The following TRPM4 variants were observed in gnomAD, a reference collection of about 807,000 sequenced individuals.
The protein encoded by TRPM4 is calcium-activated non-selective cation channel 1.
A neutral mutation model predicts 135.6 loss-of-function variants in TRPM4; 124 were observed. That is an observed-to-expected ratio of 0.91 (90% CI 0.79 to 1.06). The LOEUF (loss-of-function observed/expected upper bound fraction) is 1.06. TRPM4 is among the 50% of genes least tolerant of loss of function. The pLI, the probability that TRPM4 is intolerant of heterozygous loss-of-function variation, is 0.00. For synonymous variants in TRPM4, 745 were observed against 705.6 expected, an observed-to-expected ratio of 1.06 and a Z score of -0.88; for missense variants, 1,658 against 1,671.4, an observed-to-expected ratio of 0.99 and a Z score of 0.14.
chr19:49,202,854 A>C (rs956966390), intron 20 of TRPM4, among the ~76,000 whole-genome samples: 5 of 144,374 alleles, frequency 3.5e-5, no homozygotes, highest in Non-Finnish European at 6.0e-5. Context: ...TTGTGGTAAA[A>C]TTATATAAAA....
At chr19:49,201,814 A>T in intron 19 of TRPM4, 150 bp from the exon 20 acceptor site, 2 of 835,264 alleles carry the variant, frequency 2.4e-6, no homozygotes, top group Non-Finnish European at 4.1e-6. Flanking sequence ...TGGTCAGGCT[A>T]GTCTCAAACT....
At chr19:49,176,306 C>T (rs551774594) in intron 9 of TRPM4, among the ~76,000 whole-genome samples, 1 of 152,238 alleles carries the variant, frequency 6.6e-6, no homozygotes, top group East Asian at 1.9e-4. Flanking sequence ...TAGCTCACTG[C>T]AGCCTTGAGA....
rs774680517 is a variant in TRPM4, at chr19:49,200,420, C to T, written c.2766C>T (p.Ile922=). ...VNKQLGPKIV[I]VSKMMKDVFF... ...AACAGCTGGGGCCCAAGATCGTCAT[C>T]GTGAGCAAGATGGTGAGGCAGGGGC... The change falls in exon 18 of 25, where the codon ATC becomes ATT. Residue 922 remains isoleucine (I), a synonymous_variant. Transcript: ENST00000252826. 4 of 1,423,258 alleles carry T rather than the reference C, an allele frequency of 2.8e-6. No individual in the cohort carries two copies. Among genetic ancestry groups the T allele is most frequent in the South Asian group, 1.1e-5 (1 of 88,456 alleles). 88.2% of individuals were successfully genotyped at this position (1,423,258 alleles called of 1,614,324 possible).
rs758731104 is a variant in TRPM4, at chr19:49,211,182, G to A, written c.3553G>A (p.Val1185Ile). 15 of 1,604,582 alleles carry A rather than the reference G, an allele frequency of 9.3e-6. No individual in the cohort carries two copies. The highest frequency in any genetic ancestry group is 1.3e-5 in the African/African-American group (1 of 74,782). Residue 1185 changes from valine to isoleucine, a missense_variant, in exon 24 of 25, where the codon GTC (valine) becomes ATC (isoleucine). Around this residue, in one of 3 missense-constraint regions of TRPM4, gnomAD observed 1,412 missense variants for 1,408.7 expected, o/e 1.00. Transcript: ENST00000252826. This position sits in a 1 kb window ranked among gnomAD's most constrained non-coding sequence, Gnocchi z 4.8. ...TCCGCAGGTCCAGCAGTGTAGCCGC[G>A]TCCTGGGGTGGGTGGCCGAGGCCCT... ...LEREVQQCSR[V>I]LGWVAEALSR...
rs200681329 is a variant in TRPM4, at chr19:49,190,768, T to C, written c.2205T>C (p.Pro735=). The stretch of plus-strand genomic sequence containing the variant: ...ATAGTGTCATTAATGGGGAAGGGCC[T>C]GTCGGGTGAGTGGAGCCTCCAGCAC... ...DMDSVINGEG[P]VGTADPAEKT... Residue 735 remains proline, a synonymous_variant, in exon 16 of 25, where the codon CCT becomes CCC. Transcript: ENST00000252826. 6 of 1,614,026 alleles carry C rather than the reference T, an allele frequency of 3.7e-6. No individual in the cohort carries two copies. The highest frequency in any genetic ancestry group is 5.1e-6 in the Non-Finnish European group (6 of 1,180,032).
At chr19:49,197,473 C>CTCCCTCCTTCCT (rs146216485) in intron 17 of TRPM4, among the ~76,000 whole-genome samples, 3 of 114,856 alleles carry the variant, frequency 2.6e-5, no homozygotes, top group Non-Finnish European at 5.2e-5. Flanking sequence ...GCCTCCCTCC[C>CTCCCTCCTTCCT]TCCTTCCTTC....
intron 20 of TRPM4, among the ~76,000 whole-genome samples, chr19:49,203,409 G>C (rs1462759461): frequency 6.6e-6 from 1 of 152,036 alleles, no homozygotes; most frequent in Admixed American, 6.6e-5. Flanking sequence ...TCGATCTCCT[G>C]ACCTTGTGAT....
intron 10 of TRPM4, among the ~76,000 whole-genome samples, 180 bp downstream of exon 10, chr19:49,181,641 C>G (rs1340467908): frequency 6.6e-6 from 1 of 150,738 alleles, no homozygotes; most frequent in East Asian, 1.9e-4. Flanking sequence ...ACGCCATTCT[C>G]CTGCCTCAGC....
chr19:49,192,028 A>G (rs998563429), intron 16 of TRPM4, among the ~76,000 whole-genome samples: 1 of 152,102 alleles, frequency 6.6e-6, no homozygotes, highest in Non-Finnish European at 1.5e-5. Context: ...GGGATTTTTC[A>G]CCTATTTTGT....
chr19:49,158,138 GA>G, intron 1 of TRPM4, 53 bp from the exon 2 acceptor site: 2 of 1,553,178 alleles, frequency 1.3e-6, no homozygotes, highest in Non-Finnish European at 1.8e-6. Flanking sequence ...CCATAGGACA[GA>G]ACTGGGTGCC....
chr19:49,199,645 A>G (rs1968840028), intron 17 of TRPM4, among the ~76,000 whole-genome samples: 1 of 151,552 alleles, frequency 6.6e-6, no homozygotes, highest in Non-Finnish European at 1.5e-5. Context: ...AATCCTCGGT[A>G]GTTTTGTTGG....
intron 16 of TRPM4, among the ~76,000 whole-genome samples, chr19:49,191,449 G>A (rs1022246768): frequency 1.3e-5 from 2 of 151,826 alleles, no homozygotes; most frequent in African/African-American, 4.8e-5. Context: ...CAAGTGATCC[G>A]CGCACTTTGG....
chr19:49,182,681 C>T lies in TRPM4; in HGVS notation c.1367C>T (p.Thr456Ile). The change falls in exon 11 of 25, where the codon ACC (threonine) becomes ATC (isoleucine). Residue 456 changes from threonine to isoleucine, a missense_variant. Physicochemically the swap from Thr to Ile is moderately conservative, Grantham distance 89. Coordinates refer to ENST00000252826, the MANE Select transcript of TRPM4 (RefSeq NM_017636.4). Reference sequence around the variant, plus strand: ...GGCCTCAGCCTGGGCCACTTCCTGACCCCGATGCGCCTGGCCCAACTCTAC... The same window carrying T: ...GGCCTCAGCCTGGGCCACTTCCTGATCCCGATGCGCCTGGCCCAACTCTAC... ...SHGLSLGHFL[T>I]PMRLAQLYSA... is the part of the protein sequence containing the mutation. 4.3e-6 allele frequency: 7 copies of T among 1,614,230 alleles called. No individual in the cohort carries two copies. The highest frequency in any genetic ancestry group is 5.1e-6 in the Non-Finnish European group (6 of 1,180,044).
Position 49,167,992 on chromosome 19 carries a change from C to G in TRPM4, c.343C>G (p.Pro115Ala). 6.2e-7 allele frequency: 1 copy of G among 1,614,016 alleles called. No homozygotes were observed. Among genetic ancestry groups the G allele is most frequent in the Non-Finnish European group, 8.5e-7 (1 of 1,180,020 alleles). Residue 115 changes from proline to alanine, a missense_variant, in exon 4 of 25, where the codon CCG (proline) becomes GCG (alanine). Coordinates refer to ENST00000252826, the MANE Select transcript of TRPM4 (RefSeq NM_017636.4). The part of the protein sequence containing the change: ...LVTRTWGFRA[P>A]NLVVSVLGGS... Reference sequence around the variant, plus strand: ...CACACGCACATGGGGCTTCCGTGCCCCGAACCTGGTGGTGTCAGTGCTGGG... The same window carrying G: ...CACACGCACATGGGGCTTCCGTGCCGCGAACCTGGTGGTGTCAGTGCTGGG...
chr19:49,165,130 C>T (rs1600398004), intron 2 of TRPM4, among the ~76,000 whole-genome samples: 1 of 152,188 alleles, frequency 6.6e-6, no homozygotes, highest in African/African-American at 2.4e-5. Context: ...GAGACTTGTG[C>T]ATTTCTTTAG....
intron 18 of TRPM4, 49 bp downstream of exon 18, chr19:49,200,481 G>A (rs1050439913): frequency 1.9e-6 from 3 of 1,597,498 alleles, no homozygotes; most frequent in Non-Finnish European, 2.6e-6. Context: ...GGAAAGGGGT[G>A]GGGCCAGGGA....
intron 17 of TRPM4, among the ~76,000 whole-genome samples, chr19:49,198,300 A>G (rs934559794): frequency 6.6e-6 from 1 of 152,202 alleles, no homozygotes; most frequent in Non-Finnish European, 1.5e-5. Flanking sequence ...TATTTTGGAC[A>G]GTTTATCAAG....
chr19:49,181,529 T>TA, intron 10 of TRPM4, 68 bp downstream of exon 10: 480 of 856,182 alleles, frequency 5.6e-4, no homozygotes, highest in Non-Finnish European at 7.3e-4. Context: ...CTCTCTGCCT[T>TA]CTTTTTTTTT....
chr19:49,165,682 G>A (rs1164425292), intron 2 of TRPM4, among the ~76,000 whole-genome samples: 3 of 152,180 alleles, frequency 2.0e-5, no homozygotes, highest in Non-Finnish European at 2.9e-5. Context: ...GTTACCCGCT[G>A]GATGTTCTTT....
Sources: gnomAD v4.1 joint callset for allele counts (sites outside exome capture counted in the v4.1 genomes callset) on GRCh38, gnomAD v4.1.1 for gene constraint, gnomAD v4.1.1 regional missense constraint, Gnocchi (gnomAD v3.1) non-coding constraint, MANE v1.5 for transcripts, NCBI Gene and HGNC (gene_info 2026-07-23, HGNC 2026-07-21) for gene names.